The following QKI variants were observed in gnomAD, a reference collection of about 807,000 sequenced individuals.
QKI encodes QKI, KH domain containing RNA binding.
Under a neutral mutation model 39.0 loss-of-function variants are expected in QKI, and 10 were observed. That is an observed-to-expected ratio of 0.26 (90% CI 0.16 to 0.43). The LOEUF (loss-of-function observed/expected upper bound fraction) is 0.43, where lower values mean the gene tolerates loss of function less well. Among genes scored for constraint, QKI ranks in the 20% least tolerant of loss-of-function variants. The pLI is 1.00. For synonymous variants in QKI, 204 were observed against 155.4 expected, an observed-to-expected ratio of 1.31 and a Z score of -2.33; for missense variants, 218 against 428.0, an observed-to-expected ratio of 0.51 and a Z score of 4.33.
intron 2 of QKI, among the ~76,000 whole-genome samples, chr6:163,471,410 G>A (rs1792173366): frequency 6.6e-6 from 1 of 152,076 alleles, no homozygotes; most frequent in Non-Finnish European, 1.5e-5. Context: ...AACAAAAATG[G>A]TAAAATTGTT....
chr6:163,560,945 A>G (rs1052660626), intron 4 of QKI, among the ~76,000 whole-genome samples: 1 of 152,208 alleles, frequency 6.6e-6, no homozygotes, highest in Non-Finnish European at 1.5e-5. Context: ...TTTGATGATT[A>G]GAGACTATCC....
intron 3 of QKI, among the ~76,000 whole-genome samples, chr6:163,514,208 G>A (rs1226185677): frequency 6.6e-6 from 1 of 151,770 alleles, no homozygotes; most frequent in Non-Finnish European, 1.5e-5. Flanking sequence ...AGACACATCG[G>A]GTTTCAAAAA....
chr6:163,532,466 T>A (rs1297128305), intron 3 of QKI, among the ~76,000 whole-genome samples: 1 of 152,230 alleles, frequency 6.6e-6, no homozygotes, highest in African/African-American at 2.4e-5. Context: ...ATTTTTATAT[T>A]CCTATAAATA....
intron 1 of QKI, among the ~76,000 whole-genome samples, chr6:163,418,323 A>G (rs1168658002): frequency 6.6e-6 from 1 of 152,130 alleles, no homozygotes; most frequent in Non-Finnish European, 1.5e-5. Flanking sequence ...AAGAATTTCC[A>G]TTTGGCTAGT....
At chr6:163,564,668 G>A (rs1783244274) in intron 6 of QKI, 3 of 1,613,972 alleles carry the variant, frequency 1.9e-6, no homozygotes, top group Non-Finnish European at 2.5e-6. Context: ...TTTTTATAGA[G>A]TGGATTGAAA....
chr6:163,419,009 C>T (rs1452448157), intron 1 of QKI, among the ~76,000 whole-genome samples: 1 of 151,938 alleles, frequency 6.6e-6, no homozygotes, highest in Non-Finnish European at 1.5e-5. Context: ...ATCTTTTTAT[C>T]GTGGATATCA....
At chr6:163,551,071 C>G (rs1475434118) in intron 4 of QKI, among the ~76,000 whole-genome samples, 3 of 152,020 alleles carry the variant, frequency 2.0e-5, no homozygotes, top group African/African-American at 4.8e-5. Context: ...CTTATGAAAA[C>G]TAGTATGTTA....
chr6:163,521,068 C>T (rs188245680), intron 3 of QKI, among the ~76,000 whole-genome samples: 2 of 151,774 alleles, frequency 1.3e-5, no homozygotes, highest in African/African-American at 2.4e-5. Context: ...GTGAAATACA[C>T]GTTAATACTT....
intron 1 of QKI, among the ~76,000 whole-genome samples, chr6:163,452,225 CCT>C (rs1028485160): frequency 6.6e-6 from 1 of 152,006 alleles, no homozygotes; most frequent in African/African-American, 2.4e-5. Flanking sequence ...ACTTTTTTCC[CCT>C]GTTTATAAAG....
intron 3 of QKI, among the ~76,000 whole-genome samples, chr6:163,484,186 A>C (rs143288422): frequency 1.3e-5 from 2 of 150,920 alleles, no homozygotes; most frequent in African/African-American, 4.9e-5. Context: ...GAGCACAGGC[A>C]GGGTACATTA....
At chr6:163,456,898 G>A (rs943786951) in intron 2 of QKI, among the ~76,000 whole-genome samples, 3 of 152,124 alleles carry the variant, frequency 2.0e-5, no homozygotes, top group African/African-American at 4.8e-5. Context: ...TGGCATTGGT[G>A]CCTCCCAGAC....
At chr6:163,479,264 GA>G (rs1186383147) in intron 3 of QKI, among the ~76,000 whole-genome samples, 1 of 152,174 alleles carries the variant, frequency 6.6e-6, no homozygotes, top group East Asian at 1.9e-4. Context: ...TGGGCAACAG[GA>G]GTAAAGCTCT....
At chr6:163,424,659 A>G (rs904266261) in intron 1 of QKI, among the ~76,000 whole-genome samples, 19 of 147,810 alleles carry the variant, frequency 1.3e-4, no homozygotes, top group Non-Finnish European at 2.2e-4. Context: ...TTTTTTTTTA[A>G]TTTTGTGTGA....
In QKI at chr6:163,454,014, A is replaced by G. The variant is rs73784403; in HGVS notation, c.143-1265A>G. Among the ~76,000 whole-genome samples the G allele has an allele frequency of 3.4e-3, 516 of 152,316 alleles. 4 individuals are homozygous for G. Among genetic ancestry groups the G allele is most frequent in the African/African-American group, 0.012 (485 of 41,564 alleles). Reference sequence around the variant, plus strand: ...CATATTTGATAGTTCCTAAGGAACTATCAATAAATTGAACTTCCCCATGTT... The same window carrying G: ...CATATTTGATAGTTCCTAAGGAACTGTCAATAAATTGAACTTCCCCATGTT... On this transcript the variant is annotated intron_variant, in intron 1 of 7. Transcript: ENST00000361752.
intron 1 of QKI, among the ~76,000 whole-genome samples, chr6:163,420,073 C>CCTGG (rs1787862541): frequency 6.6e-6 from 1 of 151,600 alleles, no homozygotes; most frequent in African/African-American, 2.4e-5. Flanking sequence ...CATGCTTTGA[C>CCTGG]CTGGCCTTCA....
rs151049176 is a variant in QKI, at chr6:163,487,510, A to G, written c.402+8614A>G. On this transcript the variant is annotated intron_variant, in intron 3 of 7. Coordinates refer to ENST00000361752, the MANE Select transcript of QKI (RefSeq NM_006775.3). ...ATAGTTTCTCTGGTGTCTCATTAAT[A>G]TGCTTTTAAAATAATTTGTTTTAAT... is the stretch of plus-strand genomic sequence containing the variant. 1.2e-3 allele frequency among the ~76,000 whole-genome samples: 178 copies of G among 152,328 alleles called. No individual in the cohort carries two copies. The Middle Eastern group carries it at 0.014, about 12-fold the overall frequency.
intron 1 of QKI, among the ~76,000 whole-genome samples, chr6:163,447,185 T>G (rs1179111710): frequency 6.6e-6 from 1 of 151,958 alleles, no homozygotes; most frequent in African/African-American, 2.4e-5. Flanking sequence ...TTCTTTTATT[T>G]TTTTGATTTA....
intron 2 of QKI, among the ~76,000 whole-genome samples, chr6:163,474,672 C>G (rs556419553): frequency 6.6e-6 from 1 of 151,566 alleles, no homozygotes; most frequent in African/African-American, 2.4e-5. Flanking sequence ...GCCTGTAATC[C>G]TAGCTCTTTG....
At chr6:163,544,971 T>G (rs1409951643) in intron 4 of QKI, among the ~76,000 whole-genome samples, 1 of 152,152 alleles carries the variant, frequency 6.6e-6, no homozygotes, top group African/African-American at 2.4e-5. Flanking sequence ...CTAAGATAAC[T>G]GTTGAACCAT....
Sources: allele counts gnomAD v4.1 joint callset (sites outside exome capture counted in the v4.1 genomes callset), GRCh38; gene constraint gnomAD v4.1.1; transcripts MANE v1.5; gene names NCBI Gene and HGNC (gene_info 2026-07-23, HGNC 2026-07-21).